Variants in LRRC49 observed in about 807,000 individuals in gnomAD.
LRRC49 encodes the protein leucine-rich repeat-containing protein 49.
A neutral mutation model predicts 83.3 loss-of-function variants in LRRC49; 50 were observed. The observed-to-expected ratio is 0.60, with a 90% CI of 0.48 to 0.76. LRRC49 has a LOEUF of 0.76. LRRC49 is among the 30% of genes least tolerant of loss of function. The probability of loss-of-function intolerance (pLI) is 0.00; values close to 1 mark genes in which losing one functional copy is unlikely to be tolerated. For synonymous variants in LRRC49, 286 were observed against 283.3 expected (o/e 1.01, Z -0.10); for missense variants, 704 against 809.1 (o/e 0.87, Z 1.58).
Position 71,012,816 on chromosome 15 carries a change from G to GAT in LRRC49, c.1609_1610dup (p.Met537IlefsTer2). On this transcript the variant is annotated frameshift_variant, in exon 14 of 16. Coordinates refer to ENST00000260382, the MANE Select transcript of LRRC49 (RefSeq NM_017691.5). LOFTEE classifies it high-confidence loss of function. ...TGTGTCTCTTCAGGTGACACAGAAT[G>GAT]ATATGATAATGGCTGAAAGGCTCTT... 6.2e-7 allele frequency: 1 copy of GAT among 1,609,178 alleles called. No individual in the cohort carries two copies. Among genetic ancestry groups the GAT allele is most frequent in the Non-Finnish European group, 8.5e-7 (1 of 1,176,400 alleles).
rs775136205 is a variant in LRRC49 at position 70,940,535 on chromosome 15, G to GC, written c.773+3715dup. Among the ~76,000 whole-genome samples the GC allele has an allele frequency of 4.6e-5, 7 of 152,230 alleles. No homozygotes were observed. The South Asian group carries it at 1.0e-3, about 23-fold the overall frequency. On this transcript the variant is annotated intron_variant, in intron 8 of 15. Coordinates refer to ENST00000260382, the MANE Select transcript of LRRC49 (RefSeq NM_017691.5). ...TGGGATTACAGGCGTGAGCCACTGC[G>GC]CCGGCCTATATGGATATTTTTTATG...
At chr15:70,882,554 AT>A in intron 2 of LRRC49, 1 of 1,613,948 alleles carries the variant, frequency 6.2e-7, no homozygotes, top group South Asian at 1.1e-5. Flanking sequence ...ACTGGAGTAA[AT>A]GTCAAAGAGA....
intron 8 of LRRC49, among the ~76,000 whole-genome samples, chr15:70,948,567 G>A (rs2036097205): frequency 6.9e-6 from 1 of 144,470 alleles, no homozygotes; most frequent in Non-Finnish European, 1.5e-5. Context: ...TTATTTTGAT[G>A]TTCATATTTT....
intron 3 of LRRC49, 83 bp downstream of exon 3, chr15:70,896,019 C>CAA: frequency 1.3e-6 from 1 of 777,682 alleles, no homozygotes; most frequent in Non-Finnish European, 2.0e-6. Context: ...TTACTAGATC[C>CAA]AAATAAACTT....
At chr15:70,909,686 A>G (rs1224868822) in intron 5 of LRRC49, among the ~76,000 whole-genome samples, 1 of 152,036 alleles carries the variant, frequency 6.6e-6, no homozygotes, top group Admixed American at 6.6e-5. Flanking sequence ...CAAAACTACA[A>G]CAATTAGCAG....
intron 10 of LRRC49, 150 bp from the exon 11 acceptor site, chr15:70,983,944 C>G (rs1157541452): frequency 4.4e-5 from 24 of 548,810 alleles, no homozygotes; most frequent in Non-Finnish European, 7.7e-5. Context: ...CCTCTTGAAT[C>G]TTGTTTTAGA....
At chr15:70,891,438 G>C (rs2141092647), upstream of LRRC49, among the ~76,000 whole-genome samples, 1 of 152,226 alleles carries the variant, frequency 6.6e-6, no homozygotes, top group East Asian at 1.9e-4. Flanking sequence ...CTTTCCTCAA[G>C]CTTATGTAAT....
intron 9 of LRRC49, among the ~76,000 whole-genome samples, chr15:70,968,102 T>C (rs1294877500): frequency 1.3e-5 from 2 of 152,092 alleles, no homozygotes; most frequent in Non-Finnish European, 2.9e-5. Flanking sequence ...ACCCGTAATC[T>C]GCATTAGATA....
At chr15:70,948,364 A>C (rs16955029) in intron 8 of LRRC49, among the ~76,000 whole-genome samples, 2,250 of 152,260 alleles carry the variant, frequency 0.015, 53 homozygotes, top group African/African-American at 0.051. Flanking sequence ...ACTGCTTTTC[A>C]TTCTACCACT....
At chr15:70,909,016 G>A (rs1473447401) in intron 5 of LRRC49, among the ~76,000 whole-genome samples, 1 of 152,194 alleles carries the variant, frequency 6.6e-6, no homozygotes, top group African/African-American at 2.4e-5. Flanking sequence ...GAGTGAATAT[G>A]TGAGGCCCTG....
chr15:70,880,116 C>T (rs1595976985), intron 2 of LRRC49, among the ~76,000 whole-genome samples: 1 of 152,148 alleles, frequency 6.6e-6, no homozygotes, highest in Admixed American at 6.5e-5. Context: ...GTTCCTATCA[C>T]CTGGAATTCT....
At chr15:70,908,266 C>G (rs1434855099) in intron 5 of LRRC49, among the ~76,000 whole-genome samples, 1 of 152,190 alleles carries the variant, frequency 6.6e-6, no homozygotes, top group Non-Finnish European at 1.5e-5. Context: ...ACTGAGACAG[C>G]AGGTGTTGCA....
chr15:70,890,079 T>C (rs1220801265), upstream of LRRC49, among the ~76,000 whole-genome samples: 2 of 152,238 alleles, frequency 1.3e-5, no homozygotes, highest in African/African-American at 4.8e-5. Context: ...TTATTATGTA[T>C]GCTGGATCTG....
chr15:70,987,483 C>A (rs966649066), intron 11 of LRRC49, among the ~76,000 whole-genome samples: 1 of 151,986 alleles, frequency 6.6e-6, no homozygotes, highest in African/African-American at 2.4e-5. Context: ...GTGGTGATAT[C>A]CCCTTTATCA....
chr15:71,020,615 T>C (rs1204208335), intron 14 of LRRC49, among the ~76,000 whole-genome samples: 2 of 152,120 alleles, frequency 1.3e-5, no homozygotes, highest in East Asian at 3.9e-4. Flanking sequence ...GATCAACAAA[T>C]TGATTTCATA....
intron 8 of LRRC49, among the ~76,000 whole-genome samples, chr15:70,962,526 C>T (rs1033328090): frequency 4.6e-5 from 7 of 151,592 alleles, no homozygotes; most frequent in African/African-American, 2.4e-5. Flanking sequence ...CAGAAATGGC[C>T]GATTCTAGGA....
chr15:71,030,901 C>G (rs2039331815), intron 14 of LRRC49, among the ~76,000 whole-genome samples: 1 of 151,978 alleles, frequency 6.6e-6, no homozygotes, highest in Non-Finnish European at 1.5e-5. Flanking sequence ...ACTGGTTATT[C>G]TAGTTAGCAA....
intron 8 of LRRC49, among the ~76,000 whole-genome samples, chr15:70,950,797 C>T (rs1467659698): frequency 6.6e-6 from 1 of 152,006 alleles, no homozygotes; most frequent in Non-Finnish European, 1.5e-5. Context: ...TGTTTTGTTG[C>T]ATTGTTTTTG....
At chr15:70,950,554 A>G (rs2036180766) in intron 8 of LRRC49, among the ~76,000 whole-genome samples, 1 of 152,100 alleles carries the variant, frequency 6.6e-6, no homozygotes, top group Non-Finnish European at 1.5e-5. Context: ...GGCCACATGT[A>G]TGTCTTCTTT....
Sources: gnomAD v4.1 joint callset for allele counts (sites outside exome capture counted in the v4.1 genomes callset) on GRCh38, gnomAD v4.1.1 for gene constraint, MANE v1.5 for transcripts, NCBI Gene and HGNC (gene_info 2026-07-23, HGNC 2026-07-21) for gene names.